Variants in PDE3A observed in about 807,000 individuals in gnomAD.
PDE3A encodes the protein cGMP-inhibited 3',5'-cyclic phosphodiesterase 3A.
PDE3A carries 43 observed loss-of-function variants against 98.3 expected under a neutral mutation model. The observed-to-expected ratio is 0.44, with a 90% CI of 0.34 to 0.56. The LOEUF is 0.56. Ranked by LOEUF, PDE3A falls within the 20% of genes least tolerant of loss-of-function variation. PDE3A has a pLI of 0.01. For missense variants in PDE3A, 1,427 were observed against 1,440.7 expected (o/e 0.99, Z 0.15); for synonymous variants, 663 against 567.9 (o/e 1.17, Z -2.38).
At position 20,552,401 on chromosome 12, in the gene PDE3A, C is replaced by T. The variant is rs982739806; in HGVS notation, c.961-4259C>T. 16 of 1,612,878 alleles carry T rather than the reference C, an allele frequency of 9.9e-6. No homozygotes were observed. In the African/African-American group the frequency reaches 2.0e-4, roughly 20 times the overall value. The stretch of plus-strand genomic sequence containing the variant: ...GACGATGATGAGCCCGGCCCTTGGA[C>T]GAAGGAGGGGAAGGACCGGATCAAG... On this transcript the variant is annotated intron_variant, in intron 1 of 15. Coordinates refer to ENST00000359062, the MANE Select transcript of PDE3A (RefSeq NM_000921.5). The surrounding 1 kb of genome is among the most constrained non-coding windows in gnomAD (Gnocchi z 5.1).
intron 1 of PDE3A, among the ~76,000 whole-genome samples, chr12:20,407,164 G>A (rs1304547120): frequency 2.0e-5 from 3 of 152,162 alleles, no homozygotes; most frequent in African/African-American, 7.2e-5. Context: ...CTGTGATCTA[G>A]AGAAAGTTAC....
At chr12:20,378,516 C>T (rs1943610653) in intron 1 of PDE3A, among the ~76,000 whole-genome samples, 2 of 151,530 alleles carry the variant, frequency 1.3e-5, no homozygotes, top group African/African-American at 4.8e-5. Flanking sequence ...TTAATATAGA[C>T]AGATTTTATA....
At chr12:20,543,812 C>T (rs1037656124) in intron 1 of PDE3A, among the ~76,000 whole-genome samples, 12 of 151,992 alleles carry the variant, frequency 7.9e-5, no homozygotes, top group African/African-American at 2.7e-4. Flanking sequence ...TTATAGCTCA[C>T]ATTTAGTAAG....
chr12:20,508,427 T>A, intron 1 of PDE3A, among the ~76,000 whole-genome samples: 1 of 151,830 alleles, frequency 6.6e-6, no homozygotes, highest in East Asian at 1.9e-4. Flanking sequence ...TTTTTTTTTT[T>A]AGTTTTGTCC....
At chr12:20,381,930 T>C (rs1943671179) in intron 1 of PDE3A, among the ~76,000 whole-genome samples, 1 of 151,926 alleles carries the variant, frequency 6.6e-6, no homozygotes, top group South Asian at 2.1e-4. Flanking sequence ...ATCAAACTAT[T>C]GTTTATGAAT....
chr12:20,474,995 C>CAGTG (rs1945504094), intron 1 of PDE3A, among the ~76,000 whole-genome samples: 1 of 151,894 alleles, frequency 6.6e-6, no homozygotes, highest in Non-Finnish European at 1.5e-5. Context: ...GGTAGTGAGA[C>CAGTG]AGTGCTGTGA....
chr12:20,646,108 A>G (rs909773336), intron 10 of PDE3A, among the ~76,000 whole-genome samples: 3 of 152,200 alleles, frequency 2.0e-5, no homozygotes, highest in African/African-American at 7.2e-5. Flanking sequence ...TAGTTGAAGT[A>G]TGTCATAGCT....
chr12:20,602,070 T>A (rs1179570327), intron 2 of PDE3A, among the ~76,000 whole-genome samples: 1 of 151,686 alleles, frequency 6.6e-6, no homozygotes, highest in Non-Finnish European at 1.5e-5. Context: ...AGTGCTCACA[T>A]CCAGTTAAGT....
intron 1 of PDE3A, among the ~76,000 whole-genome samples, chr12:20,385,130 C>T (rs1486688710): frequency 2.0e-5 from 3 of 151,944 alleles, no homozygotes; most frequent in East Asian, 1.9e-4. Context: ...ATGGTTGAGC[C>T]AATTTACATT....
chr12:20,628,988 A>G (rs780665955), intron 5 of PDE3A, among the ~76,000 whole-genome samples: 21 of 152,210 alleles, frequency 1.4e-4, no homozygotes, highest in Non-Finnish European at 2.2e-4. Flanking sequence ...TGAGAAATAG[A>G]CAACGACTTT....
At chr12:20,571,527 T>C (rs1942801963) in intron 2 of PDE3A, among the ~76,000 whole-genome samples, 1 of 152,148 alleles carries the variant, frequency 6.6e-6, no homozygotes, top group South Asian at 2.1e-4. Flanking sequence ...AGCCTAAACT[T>C]GAATCCTACA....
At chr12:20,667,574 G>T (rs959671284) in intron 15 of PDE3A, among the ~76,000 whole-genome samples, 1 of 152,096 alleles carries the variant, frequency 6.6e-6, no homozygotes, top group South Asian at 2.1e-4. Context: ...TCATAAATCA[G>T]TTGGCTATAA....
At chr12:20,650,726 C>A in intron 14 of PDE3A, 126 bp downstream of exon 14, 1 of 506,904 alleles carries the variant, frequency 2.0e-6, no homozygotes, top group Non-Finnish European at 3.3e-6. Flanking sequence ...TCAGAAAATG[C>A]ACTGGTCAAT....
intron 1 of PDE3A, among the ~76,000 whole-genome samples, chr12:20,383,723 C>T (rs1297299295): frequency 6.6e-6 from 1 of 151,862 alleles, no homozygotes; most frequent in Non-Finnish European, 1.5e-5. Context: ...TACAGACAGT[C>T]CATGGATTTC....
chr12:20,496,204 C>G (rs569791676), intron 1 of PDE3A, among the ~76,000 whole-genome samples: 37 of 152,178 alleles, frequency 2.4e-4, no homozygotes, highest in African/African-American at 8.7e-4. Context: ...AGATGAGTGC[C>G]TGATACCAAT....
chr12:20,371,536 CAGT>C, intron 1 of PDE3A: 1 of 826,256 alleles, frequency 1.2e-6, no homozygotes, highest in Non-Finnish European at 1.5e-6. Context: ...TAAGAAATAG[CAGT>C]CACCATATGG....
intron 1 of PDE3A, among the ~76,000 whole-genome samples, chr12:20,386,018 AAT>A (rs1418640590): frequency 0.017 from 1,322 of 78,326 alleles, 108 homozygotes; most frequent in African/African-American, 0.065. Flanking sequence ...ATATATATAA[AAT>A]ATATATATAA....
At chr12:20,517,368 C>G (rs1352612252) in intron 1 of PDE3A, among the ~76,000 whole-genome samples, 1 of 152,172 alleles carries the variant, frequency 6.6e-6, no homozygotes, top group Non-Finnish European at 1.5e-5. Context: ...TTATGTGACA[C>G]TTTGAACAAC....
At chr12:20,645,800 C>T (rs1276677082) in intron 10 of PDE3A, among the ~76,000 whole-genome samples, 1 of 152,048 alleles carries the variant, frequency 6.6e-6, no homozygotes, top group African/African-American at 2.4e-5. Context: ...CAGATGATGG[C>T]ATTATCTGGT....
Sources: allele counts gnomAD v4.1 joint callset (sites outside exome capture counted in the v4.1 genomes callset), GRCh38; gene constraint gnomAD v4.1.1; non-coding constraint Gnocchi (gnomAD v3.1); transcripts MANE v1.5; gene names NCBI Gene and HGNC (gene_info 2026-07-23, HGNC 2026-07-21).